GPC5: variants seen among roughly 807,000 people sequenced by gnomAD.
GPC5 encodes glypican 5.
GPC5 carries 47 observed loss-of-function variants against 53.9 expected under a neutral mutation model. The observed-to-expected ratio is 0.87, with a 90% CI of 0.69 to 1.11. The LOEUF is 1.11. Ranked by LOEUF, GPC5 falls within the 50% of genes most tolerant of loss-of-function variation. The pLI, the probability that GPC5 is intolerant of heterozygous loss-of-function variation, is 0.00. For missense variants in GPC5, 748 were observed against 713.1 expected, an observed-to-expected ratio of 1.05 and a Z score of -0.56; for synonymous variants, 286 against 263.3, an observed-to-expected ratio of 1.09 and a Z score of -0.84.
intron 5 of GPC5, among the ~76,000 whole-genome samples, chr13:91,828,100 G>A (rs2038602042): frequency 6.6e-6 from 1 of 152,022 alleles, no homozygotes; most frequent in Admixed American, 6.6e-5. Flanking sequence ...TTTACATGAA[G>A]TACTTAATAT....
intron 4 of GPC5, among the ~76,000 whole-genome samples, chr13:91,748,172 A>C (rs1157938385): frequency 6.6e-6 from 1 of 152,246 alleles, no homozygotes; most frequent in East Asian, 1.9e-4. Flanking sequence ...AACGCAGCAT[A>C]TCTGTGATGT....
At chr13:91,535,199 A>G (rs1886532522) in intron 2 of GPC5, among the ~76,000 whole-genome samples, 1 of 152,134 alleles carries the variant, frequency 6.6e-6, no homozygotes, top group Non-Finnish European at 1.5e-5. Context: ...CATTTGTTAC[A>G]TATGATTTAG....
intron 6 of GPC5, among the ~76,000 whole-genome samples, chr13:92,131,231 T>A (rs2041740507): frequency 6.6e-6 from 1 of 151,986 alleles, no homozygotes; most frequent in Non-Finnish European, 1.5e-5. Context: ...TAGACTGTTA[T>A]GTGAATGTAA....
intron 4 of GPC5, 23 bp from the exon 5 acceptor site, chr13:91,756,272 G>T: frequency 1.4e-6 from 2 of 1,464,784 alleles, no homozygotes; most frequent in Non-Finnish European, 9.2e-7. Flanking sequence ...GGTTTTAATT[G>T]TTTTCTTTCT....
At position 92,598,498 on chromosome 13, in the gene GPC5, G is replaced by A. The variant is rs1883946774; in HGVS notation, c.1562-267784G>A. 2.0e-5 allele frequency among the ~76,000 whole-genome samples: 3 copies of A among 151,950 alleles called. No individual in the cohort carries two copies. In the South Asian group the frequency reaches 6.2e-4, roughly 31 times the overall value. On this transcript the variant is annotated intron_variant, in intron 7 of 7. Transcript: ENST00000377067. ...GGAACTTTATCTTCTAGATTATGAA[G>A]ATTTTTGTTGCTCTGATCCTCTCTT...
intron 7 of GPC5, among the ~76,000 whole-genome samples, chr13:92,192,692 A>G (rs2042231101): frequency 6.6e-6 from 1 of 152,200 alleles, no homozygotes; most frequent in Non-Finnish European, 1.5e-5. Context: ...GAATAATTTA[A>G]AAAGCTTTCA....
Position 92,853,316 on chromosome 13 carries a change from C to CTGT in GPC5, c.1562-12966_1562-12965insTGT, listed in dbSNP as rs141708338. On this transcript the variant is annotated intron_variant, in intron 7 of 7. Transcript: ENST00000377067. ...AGAGAGAGTCTACATTCACATGACA[C>CTGT]AGATGGTGATAATTGTTGTAGTTTA... is the stretch of plus-strand genomic sequence containing the variant. Among the ~76,000 whole-genome samples, 1,142 of 152,034 alleles carry CTGT rather than the reference C, an allele frequency of 7.5e-3. 15 individuals carry two copies. Among genetic ancestry groups the CTGT allele is most frequent in the African/African-American group, 0.027 (1,108 of 41,452 alleles).
intron 7 of GPC5, among the ~76,000 whole-genome samples, chr13:92,527,097 AAAAGAAAGAAAAAAGAAAGAAAG>A (rs1454957060): frequency 0.03 from 2,248 of 76,002 alleles, 251 homozygotes; most frequent in East Asian, 0.077. Context: ...ATTCTGTAGG[AAAAGAAAGAAAAAAGAAAGAAAG>A]AAAGAAAGAA....
intron 5 of GPC5, among the ~76,000 whole-genome samples, chr13:91,882,045 GA>G (rs1353655356): frequency 2.0e-5 from 3 of 152,068 alleles, no homozygotes; most frequent in African/African-American, 7.2e-5. Context: ...TTCAGTTTGA[GA>G]TTATCTTTCT....
Position 92,065,608 on chromosome 13 carries a change from G to A in GPC5, c.1402-79222G>A, listed in dbSNP as rs9301775. Among the ~76,000 whole-genome samples the A allele has an allele frequency of 6.9e-3, 1,048 of 152,092 alleles. 18 individuals are homozygous for A. Among genetic ancestry groups the A allele is most frequent in the African/African-American group, 0.024 (988 of 41,500 alleles). On this transcript the variant is annotated intron_variant, in intron 6 of 7. Coordinates refer to ENST00000377067, the MANE Select transcript of GPC5 (RefSeq NM_004466.6). The stretch of plus-strand genomic sequence containing the variant: ...ATTCTGTGTCTCCTAGTTTTAGATC[G>A]AACGGATGTTTTGACTCCTAAAAGA...
At chr13:92,452,486 A>T (rs1173716873) in intron 7 of GPC5, among the ~76,000 whole-genome samples, 1 of 152,128 alleles carries the variant, frequency 6.6e-6, no homozygotes, top group Non-Finnish European at 1.5e-5. Context: ...CGAGACCATC[A>T]TATGTGCCCA....
At chr13:92,702,982 A>AC (rs1200540689) in intron 7 of GPC5, among the ~76,000 whole-genome samples, 1 of 151,856 alleles carries the variant, frequency 6.6e-6, no homozygotes, top group Non-Finnish European at 1.5e-5. Context: ...GTTCAGAGAG[A>AC]CCTACCTATT....
chr13:91,401,234 CT>C (rs1418587363), intron 1 of GPC5, among the ~76,000 whole-genome samples: 2 of 151,936 alleles, frequency 1.3e-5, no homozygotes, highest in Admixed American at 6.5e-5. Context: ...GTTGGTCATT[CT>C]TTTACAAATA....
chr13:92,526,416 A>G (rs954475104), intron 7 of GPC5, among the ~76,000 whole-genome samples: 1 of 152,086 alleles, frequency 6.6e-6, no homozygotes, highest in Non-Finnish European at 1.5e-5. Context: ...ATTTTGACAT[A>G]TTTGAAAAAC....
At chr13:92,501,517 G>GA (rs1006336853) in intron 7 of GPC5, among the ~76,000 whole-genome samples, 7 of 151,946 alleles carry the variant, frequency 4.6e-5, no homozygotes, top group African/African-American at 1.5e-4. Flanking sequence ...GCGTAGACCA[G>GA]AAAAAAATAT....
At chr13:91,526,636 A>G (rs770937523) in intron 2 of GPC5, among the ~76,000 whole-genome samples, 13 of 152,236 alleles carry the variant, frequency 8.5e-5, no homozygotes, top group Non-Finnish European at 1.6e-4. Context: ...AAGTCTCTAC[A>G]TCAGCGGCTA....
chr13:92,718,603 T>G (rs546677329), intron 7 of GPC5, among the ~76,000 whole-genome samples: 1 of 152,086 alleles, frequency 6.6e-6, no homozygotes, highest in African/African-American at 2.4e-5. Context: ...GGTACAAAAA[T>G]ATAGCTAGAA....
At chr13:92,377,620 T>C (rs1429933659) in intron 7 of GPC5, among the ~76,000 whole-genome samples, 1 of 152,218 alleles carries the variant, frequency 6.6e-6, no homozygotes, top group Non-Finnish European at 1.5e-5. Context: ...CATACTAACT[T>C]ATGAAAAATT....
chr13:92,855,291 T>C (rs1276654234), intron 7 of GPC5, among the ~76,000 whole-genome samples: 1 of 152,090 alleles, frequency 6.6e-6, no homozygotes, highest in Admixed American at 6.5e-5. Context: ...GTATACATCC[T>C]ATATTAATTA....
Sources: gnomAD v4.1 joint callset for allele counts (sites outside exome capture counted in the v4.1 genomes callset) on GRCh38, gnomAD v4.1.1 for gene constraint, MANE v1.5 for transcripts, NCBI Gene and HGNC (gene_info 2026-07-23, HGNC 2026-07-21) for gene names.